The following DLGAP2 variants were observed in gnomAD, a reference collection of about 807,000 sequenced individuals.
DLGAP2 encodes disks large-associated protein 2.
A neutral mutation model predicts 100.3 loss-of-function variants in DLGAP2; 26 were observed. The ratio of observed to expected loss-of-function variants is 0.26; its 90% CI spans 0.19 to 0.36. DLGAP2 has a LOEUF of 0.36. Among genes scored for constraint, DLGAP2 ranks in the 10% least tolerant of loss-of-function variants. The probability of loss-of-function intolerance (pLI) is 1.00; values close to 1 mark genes in which losing one functional copy is unlikely to be tolerated. For synonymous variants in DLGAP2, 886 were observed against 630.1 expected, an observed-to-expected ratio of 1.41 and a Z score of -6.08; for missense variants, 1,858 against 1,453.2, an observed-to-expected ratio of 1.28 and a Z score of -4.53.
At chr8:1,182,762 C>T (rs984850548) in intron 2 of DLGAP2, among the ~76,000 whole-genome samples, 128 of 152,310 alleles carry the variant, frequency 8.4e-4, no homozygotes, top group African/African-American at 2.9e-3. Context: ...CTCACACTAT[C>T]GAGTCCAGCG....
At chr8:916,905 A>T (rs1220718195) in intron 2 of DLGAP2, among the ~76,000 whole-genome samples, 1 of 152,186 alleles carries the variant, frequency 6.6e-6, no homozygotes, top group Non-Finnish European at 1.5e-5. Flanking sequence ...CCTGGCACTG[A>T]TGCCCGGGAG....
rs766951844 is a variant in DLGAP2, at chr8:1,668,424, G to A, written c.1906G>A (p.Glu636Lys). 6.2e-6 allele frequency: 10 copies of A among 1,603,334 alleles called. No individual in the cohort carries two copies. The highest frequency in any genetic ancestry group is 1.7e-5 in the Admixed American group (1 of 58,636). Residue 636 changes from glutamate (E) to lysine (K), a missense_variant, in exon 9 of 15, where the codon GAA becomes AAA. By Grantham distance (56) the Glu-to-Lys change is moderately conservative. Coordinates refer to ENST00000637795, the MANE Select transcript of DLGAP2 (RefSeq NM_001346810.2). ...LISVTAQSST[E>K]STQDAYQDSR... ...CTCGGTGACGGCGCAGAGCAGCACC[G>A]AATCCACCCAGGACGCCTACCAGGA...
intron 2 of DLGAP2, among the ~76,000 whole-genome samples, chr8:1,107,812 C>T (rs570528297): frequency 1.3e-5 from 2 of 152,160 alleles, no homozygotes; most frequent in Non-Finnish European, 2.9e-5. Context: ...GTTTCCACAC[C>T]CATGTTGCAT....
chr8:983,619 G>A (rs1800404884), intron 2 of DLGAP2, among the ~76,000 whole-genome samples: 1 of 152,142 alleles, frequency 6.6e-6, no homozygotes, highest in Non-Finnish European at 1.5e-5. Flanking sequence ...GATAAAAAGA[G>A]GTAGCATTTA....
chr8:1,429,888 C>G (rs997272101), intron 3 of DLGAP2, among the ~76,000 whole-genome samples: 12 of 149,768 alleles, frequency 8.0e-5, no homozygotes, highest in Admixed American at 2.0e-4. Flanking sequence ...TGGAGTCAAG[C>G]CGATGCTCAG....
At chr8:768,498 C>G (rs1030821144) in intron 1 of DLGAP2, among the ~76,000 whole-genome samples, 4 of 144,026 alleles carry the variant, frequency 2.8e-5, no homozygotes, top group Admixed American at 1.4e-4. Flanking sequence ...GATCTTGGCT[C>G]ACTGCAACCT....
At chr8:1,479,355 C>T (rs142334237) in intron 3 of DLGAP2, among the ~76,000 whole-genome samples, 120 of 152,372 alleles carry the variant, frequency 7.9e-4, no homozygotes, top group African/African-American at 2.8e-3. Flanking sequence ...CTCAGGCACT[C>T]TGGGGACGAA....
Position 737,707 on chromosome 8 carries a change from G to T in DLGAP2, c.-101G>T. On this transcript the variant is annotated 5_prime_UTR_variant, in exon 1 of 15. Coordinates refer to ENST00000637795, the MANE Select transcript of DLGAP2 (RefSeq NM_001346810.2). ...GCGAACGGACGGACGGACCGCGGAC[G>T]GACGTACTGACCCCAACCCGCGAGC... is the stretch of plus-strand genomic sequence containing the variant. The T allele has an allele frequency of 2.7e-6, 1 of 371,916 alleles. No homozygotes were observed. The highest frequency in any genetic ancestry group is 4.8e-6 in the Non-Finnish European group (1 of 208,716). 23.0% of individuals were successfully genotyped at this position (371,916 alleles called of 1,614,324 possible).
intron 1 of DLGAP2, among the ~76,000 whole-genome samples, chr8:744,785 C>T (rs1016941816): frequency 2.0e-5 from 3 of 152,238 alleles, no homozygotes; most frequent in Admixed American, 6.5e-5. Context: ...CCACACTGGA[C>T]GGTGCTTTTC....
intron 1 of DLGAP2, among the ~76,000 whole-genome samples, chr8:874,814 A>C (rs1349571985): frequency 6.6e-6 from 1 of 152,208 alleles, no homozygotes; most frequent in Non-Finnish European, 1.5e-5. Context: ...GTGTGGTATT[A>C]AAGTCTTCGG....
rs1398807354 is a variant in DLGAP2 at position 1,446,025 on chromosome 8, C to T, written c.107-55341C>T. Among the ~76,000 whole-genome samples, 4 of 150,522 alleles carry T rather than the reference C, an allele frequency of 2.7e-5. No individual in the cohort carries two copies. In the East Asian group the frequency reaches 6.1e-4, roughly 23 times the overall value. The stretch of plus-strand genomic sequence containing the variant: ...CAGATGAGTAGGTTGCAAAAATTTT[C>T]TCCCATTTTGTAGGTTGCCTGTTCA... On this transcript the variant is annotated intron_variant, in intron 3 of 14. Transcript: ENST00000637795.
intron 6 of DLGAP2, among the ~76,000 whole-genome samples, chr8:1,622,943 G>A (rs1797384862): frequency 6.6e-6 from 1 of 152,134 alleles, no homozygotes; most frequent in Non-Finnish European, 1.5e-5. Flanking sequence ...ACCTGGCGGG[G>A]CCACCGGAGG....
intron 4 of DLGAP2, among the ~76,000 whole-genome samples, chr8:1,520,879 G>C (rs568601388): frequency 6.6e-6 from 1 of 152,200 alleles, no homozygotes; most frequent in Non-Finnish European, 1.5e-5. Flanking sequence ...ATACCTGGGG[G>C]CGTGATTGCT....
chr8:1,022,281 C>T (rs376333561), intron 2 of DLGAP2, among the ~76,000 whole-genome samples: 7 of 150,310 alleles, frequency 4.7e-5, no homozygotes, highest in East Asian at 2.0e-4. Flanking sequence ...TGGACACTCC[C>T]GTGCCGAGGT....
chr8:1,010,240 A>C (rs1002385266), intron 2 of DLGAP2, among the ~76,000 whole-genome samples: 1 of 151,998 alleles, frequency 6.6e-6, no homozygotes, highest in South Asian at 2.1e-4. Flanking sequence ...ACATACACAC[A>C]TGTGCCCACA....
At chr8:1,011,945 G>A (rs551179427) in intron 2 of DLGAP2, among the ~76,000 whole-genome samples, 97 of 152,336 alleles carry the variant, frequency 6.4e-4, no homozygotes, top group African/African-American at 2.2e-3. Context: ...CCACCTGGGC[G>A]TGTAGACGGA....
chr8:1,176,503 A>G (rs1213733151), intron 2 of DLGAP2, among the ~76,000 whole-genome samples: 1 of 152,136 alleles, frequency 6.6e-6, no homozygotes, highest in Non-Finnish European at 1.5e-5. Flanking sequence ...AGAAGGAACT[A>G]CACTTGGAGA....
intron 2 of DLGAP2, among the ~76,000 whole-genome samples, chr8:1,258,336 G>T (rs907335901): frequency 1.3e-5 from 2 of 150,584 alleles, no homozygotes; most frequent in South Asian, 2.1e-4. Flanking sequence ...GTGACAGGTC[G>T]TTACTACCAA....
At chr8:1,106,214 A>G (rs1251937719) in intron 2 of DLGAP2, among the ~76,000 whole-genome samples, 71 of 92,434 alleles carry the variant, frequency 7.7e-4, no homozygotes, top group Middle Eastern at 0.013. Flanking sequence ...TTCTAGGAGG[A>G]TTTTGTATTG....
Sources: gnomAD v4.1 joint callset for allele counts (sites outside exome capture counted in the v4.1 genomes callset) on GRCh38, gnomAD v4.1.1 for gene constraint, MANE v1.5 for transcripts, NCBI Gene and HGNC (gene_info 2026-07-23, HGNC 2026-07-21) for gene names.